PFKP: variants seen among roughly 807,000 people sequenced by gnomAD.
PFKP encodes the protein ATP-dependent 6-phosphofructokinase, platelet type.
PFKP carries 101 observed loss-of-function variants against 94.3 expected under a neutral mutation model. That is an observed-to-expected ratio of 1.07 (90% CI 0.91 to 1.26). The LOEUF is 1.26. Ranked by LOEUF, PFKP falls within the 50% of genes most tolerant of loss-of-function variation. PFKP has a pLI of 0.00. For synonymous variants in PFKP, 573 were observed against 432.6 expected, an observed-to-expected ratio of 1.32 and a Z score of -4.03; for missense variants, 1,145 against 1,103.3, an observed-to-expected ratio of 1.04 and a Z score of -0.53.
At chr10:3,096,541 G>T (rs1452926795) in intron 2 of PFKP, among the ~76,000 whole-genome samples, 1 of 152,032 alleles carries the variant, frequency 6.6e-6, no homozygotes, top group Non-Finnish European at 1.5e-5. Context: ...CCCCATCATG[G>T]GTCATCTTTT....
chr10:3,124,973 G>A (rs1466862409), intron 16 of PFKP: 15 of 756,714 alleles, frequency 2.0e-5, no homozygotes, highest in South Asian at 1.4e-4. Flanking sequence ...CCCTTGACCC[G>A]CATGAACCGG....
At chr10:3,121,397 TG>T (rs1365559145) in intron 16 of PFKP, among the ~76,000 whole-genome samples, 1 of 152,204 alleles carries the variant, frequency 6.6e-6, no homozygotes, top group African/African-American at 2.4e-5. Flanking sequence ...CTCTTTCGCC[TG>T]CTTTAGCTAG....
At chr10:3,105,946 C>T (rs1158427905) in intron 7 of PFKP, among the ~76,000 whole-genome samples, 5 of 152,210 alleles carry the variant, frequency 3.3e-5, no homozygotes, top group Admixed American at 6.5e-5. Context: ...ACGTGACTGC[C>T]GTGAGCATAG....
At chr10:3,130,621 G>T (rs902191582) in intron 17 of PFKP, among the ~76,000 whole-genome samples, 1 of 152,150 alleles carries the variant, frequency 6.6e-6, no homozygotes, top group Non-Finnish European at 1.5e-5. Context: ...GTGCAGTGGC[G>T]TGGTCTCGGC....
chr10:3,070,429 A>G (rs11251693), intron 1 of PFKP: 23,441 of 152,222 alleles, frequency 0.15, 2,158 homozygotes, highest in East Asian at 0.32. Context: ...GCTTGTAGCT[A>G]GAGATGAGAG....
intron 16 of PFKP, among the ~76,000 whole-genome samples, chr10:3,124,192 C>T (rs570571357): frequency 6.6e-6 from 1 of 152,286 alleles, no homozygotes; most frequent in African/African-American, 2.4e-5. Flanking sequence ...CTGTGTCCCA[C>T]CAGTAGCATT....
chr10:3,127,266 G>A (rs1838055555), intron 16 of PFKP, among the ~76,000 whole-genome samples: 1 of 152,224 alleles, frequency 6.6e-6, no homozygotes, highest in Non-Finnish European at 1.5e-5. Context: ...GCACACAGTC[G>A]GGGGCGTGGC....
At position 3,136,593 on chromosome 10, in the gene PFKP, G is replaced by T. The variant is rs200563189; in HGVS notation, c.*14G>T. 4 of 1,612,280 alleles carry T rather than the reference G, an allele frequency of 2.5e-6. No individual in the cohort carries two copies. The highest frequency in any genetic ancestry group is 1.3e-5 in the African/African-American group (1 of 74,862). On this transcript the variant is annotated 3_prime_UTR_variant, in exon 22 of 22. Coordinates refer to ENST00000381125, the MANE Select transcript of PFKP (RefSeq NM_002627.5). ...TGGAGTGTCTGACCCAGTCCCGCCT[G>T]CATGTGCCTGCAGCCACCGTGGACT... is the stretch of plus-strand genomic sequence containing the variant.
rs1465425985 is a variant in PFKP, at chr10:3,099,449, T to C, written c.264+97T>C. 4 of 946,920 alleles carry C rather than the reference T, an allele frequency of 4.2e-6. No homozygotes were observed. In the East Asian group the frequency reaches 9.6e-5, roughly 23 times the overall value. 58.7% of individuals were successfully genotyped at this position (946,920 alleles called of 1,614,324 possible). On this transcript the variant is annotated intron_variant, in intron 3 of 21. Transcript: ENST00000381125. ...ACTTGAGCTCAGATCAGTTGCGAAA[T>C]AGAGATTATGTGGACAGAACAGACT...
At chr10:3,113,794 A>C (rs1312752635) in intron 13 of PFKP, among the ~76,000 whole-genome samples, 1 of 151,032 alleles carries the variant, frequency 6.6e-6, no homozygotes, top group African/African-American at 2.5e-5. Context: ...CCCTGACATT[A>C]GGTGAGAAGG....
At chr10:3,116,226 T>TGCA (rs1287200489) in intron 13 of PFKP, among the ~76,000 whole-genome samples, 1 of 152,164 alleles carries the variant, frequency 6.6e-6, no homozygotes, top group African/African-American at 2.4e-5. Flanking sequence ...GAGATCCCCC[T>TGCA]GCAGCATGGC....
At chr10:3,070,030 G>A (rs534578575) in intron 1 of PFKP, among the ~76,000 whole-genome samples, 1 of 152,364 alleles carries the variant, frequency 6.6e-6, no homozygotes, top group African/African-American at 2.4e-5. Flanking sequence ...ATAGGAGACA[G>A]CTGCCCTCAG....
chr10:3,086,440 G>A (rs61835132), intron 2 of PFKP, among the ~76,000 whole-genome samples: 36,741 of 152,182 alleles, frequency 0.24, 4,737 homozygotes, highest in East Asian at 0.34. Context: ...GCCTCTAGCC[G>A]GGAGTAGGGA....
chr10:3,071,427 GTT>G (rs569603765), intron 1 of PFKP, among the ~76,000 whole-genome samples: 3,934 of 92,340 alleles, frequency 0.043, 42 homozygotes, highest in African/African-American at 0.086. Flanking sequence ...GTCTCAGGCT[GTT>G]TTTTTTTTTT....
intron 11 of PFKP, among the ~76,000 whole-genome samples, chr10:3,112,489 C>T (rs143912398): frequency 1.5e-3 from 224 of 152,308 alleles, no homozygotes; most frequent in Admixed American, 2.4e-3. Flanking sequence ...TGCCATTGGT[C>T]CTTTTTGGTA....
chr10:3,125,908 C>T (rs557182529), intron 16 of PFKP, among the ~76,000 whole-genome samples: 36 of 152,326 alleles, frequency 2.4e-4, no homozygotes, highest in African/African-American at 7.5e-4. Flanking sequence ...CACTCAGCTG[C>T]AGACAGGACG....
intron 2 of PFKP, among the ~76,000 whole-genome samples, chr10:3,095,359 G>C (rs117292042): frequency 0.021 from 2,503 of 120,142 alleles, 25 homozygotes; most frequent in Non-Finnish European, 0.036. Flanking sequence ...TGGTTAGAAG[G>C]CTGGTTATTT....
chr10:3,083,577 G>A (rs1290223863), intron 2 of PFKP, among the ~76,000 whole-genome samples: 1 of 152,106 alleles, frequency 6.6e-6, no homozygotes, highest in East Asian at 1.9e-4. Flanking sequence ...TGTATACTGT[G>A]TTTTTTGTTT....
At chr10:3,105,938 G>A (rs1245235091) in intron 7 of PFKP, among the ~76,000 whole-genome samples, 5 of 152,210 alleles carry the variant, frequency 3.3e-5, no homozygotes, top group Non-Finnish European at 5.9e-5. Context: ...TTAGGCTCAC[G>A]TGACTGCCGT....
Sources: allele counts gnomAD v4.1 joint callset (sites outside exome capture counted in the v4.1 genomes callset), GRCh38; gene constraint gnomAD v4.1.1; transcripts MANE v1.5; gene names NCBI Gene and HGNC (gene_info 2026-07-23, HGNC 2026-07-21).